SPATA31C1: variants seen among roughly 807,000 people sequenced by gnomAD.
SPATA31C1 encodes the protein SPATA31 subfamily C member 1.
chr9:87,922,631 C>T (rs1828904694), exon 5 of SPATA31C1: 3 of 1,608,910 alleles, frequency 1.9e-6, no homozygotes, highest in Non-Finnish European at 2.5e-6. Context: ...TGCCCCAGGG[C>T]CATCTCCAGA....
chr9:87,917,051 T>C lies in SPATA31C1; in HGVS notation n.190-796T>C, dbSNP rs530577065. 7.1e-5 allele frequency among the ~76,000 whole-genome samples: 9 copies of C among 125,896 alleles called. 1 individual carries two copies. The East Asian group carries it at 1.1e-3, about 16-fold the overall frequency. 82.6% of individuals were successfully genotyped at this position (125,896 alleles called of 152,430 possible). A position where few individuals can be genotyped will look rare whatever the true frequency, so the allele number is the denominator to read the frequency against. On this transcript the variant is annotated intron_variant and non_coding_transcript_variant, in intron 1 of 4. Coordinates refer to ENST00000420021, the Ensembl canonical transcript of SPATA31C1. ...CATGTACCCCGGAACTTAAAATAAA[T>C]ACATAAGTACATAAATAGAATTTTA...
exon 5 of SPATA31C1, chr9:87,922,301 A>C (rs1351948389): frequency 6.2e-7 from 1 of 1,611,948 alleles, no homozygotes; most frequent in Non-Finnish European, 8.5e-7. Flanking sequence ...CCCAATCTTC[A>C]AGGGCTGGAG....
At chr9:87,916,535 C>G (rs1453855441) in intron 1 of SPATA31C1, among the ~76,000 whole-genome samples, 1 of 149,626 alleles carries the variant, frequency 6.7e-6, no homozygotes, top group African/African-American at 2.4e-5. Context: ...TTAAAGTTTT[C>G]AAAAGTCAAC....
exon 5 of SPATA31C1, chr9:87,923,260 C>T: frequency 6.2e-7 from 1 of 1,603,592 alleles, no homozygotes; most frequent in South Asian, 1.1e-5. Flanking sequence ...AGCTATGCAG[C>T]CAGCAGTCAA....
exon 5 of SPATA31C1, chr9:87,923,197 G>C: frequency 6.2e-7 from 1 of 1,603,282 alleles, no homozygotes; most frequent in Non-Finnish European, 8.5e-7. Context: ...CCAGTCTGTG[G>C]GTTTCCCTGC....
exon 5 of SPATA31C1, chr9:87,922,335 C>T (rs764678729): frequency 1.9e-6 from 3 of 1,611,152 alleles, no homozygotes; most frequent in South Asian, 2.2e-5. Context: ...AGTGCCACAA[C>T]CCACAGTCCC....
chr9:87,920,483 C>A (rs1236500744), exon 5 of SPATA31C1: 1 of 1,614,006 alleles, frequency 6.2e-7, no homozygotes, highest in Admixed American at 1.7e-5. Flanking sequence ...CAGTCTCCTC[C>A]CTAAGTGCCT....
At chr9:87,923,112 C>T (rs764962511) in exon 5 of SPATA31C1, 3 of 1,603,330 alleles carry the variant, frequency 1.9e-6, no homozygotes, top group Non-Finnish European at 2.6e-6. Context: ...TGGACAGATA[C>T]CGGAGGAGAA....
Position 87,923,057 on chromosome 9 carries a change from C to T in SPATA31C1, n.3447C>T, listed in dbSNP as rs529885550. 2.1e-5 allele frequency: 34 copies of T among 1,599,878 alleles called. No individual in the cohort carries two copies. In the East Asian group the frequency reaches 3.8e-4, roughly 18 times the overall value. ...AAAAAACAGTAAAAAACAGATCATG[C>T]GTGTACGGCAGCAGTGCTGAAGCTG... On this transcript the variant is annotated non_coding_transcript_exon_variant, in exon 5 of 5. Transcript: ENST00000420021.
At chr9:87,919,656 G>A (rs1326293724) in intron 3 of SPATA31C1, among the ~76,000 whole-genome samples, 1 of 86,726 alleles carries the variant, frequency 1.2e-5, no homozygotes, top group Non-Finnish European at 2.4e-5. Context: ...ATTCCTCTCT[G>A]AGACCACCCC....
At chr9:87,920,625 C>A in exon 5 of SPATA31C1, 1 of 1,613,852 alleles carries the variant, frequency 6.2e-7, no homozygotes, top group Non-Finnish European at 8.5e-7. Flanking sequence ...CACTCCTCCT[C>A]CCCTGCGGGA....
rs530643159 is a variant in SPATA31C1, at chr9:87,922,590, C to T, written n.2980C>T. 965 of 1,609,326 alleles carry T rather than the reference C, an allele frequency of 6.0e-4. 12 individuals are homozygous for T. Among genetic ancestry groups the T allele is most frequent in the Non-Finnish European group, 1.3e-4 (153 of 1,177,934 alleles). On this transcript the variant is annotated non_coding_transcript_exon_variant, in exon 5 of 5. Coordinates refer to ENST00000420021, the Ensembl canonical transcript of SPATA31C1. ...TCCAGATGGGCAAGCATCTGTTGTG[C>T]CCCATGCTTCAGAGAATTTGGCTTC...
At chr9:87,921,722 C>A (rs1180156528) in exon 5 of SPATA31C1, 1 of 1,612,086 alleles carries the variant, frequency 6.2e-7, no homozygotes, top group Admixed American at 1.7e-5. Context: ...TGCGTCGATC[C>A]TGGCTTGCTG....
chr9:87,920,557 C>G, exon 5 of SPATA31C1: 1 of 1,613,812 alleles, frequency 6.2e-7, no homozygotes, highest in Non-Finnish European at 8.5e-7. Context: ...GCACTTTTCC[C>G]TCACCCACCA....
rs757119727 is a variant in SPATA31C1 at position 87,920,600 on chromosome 9, T to C, written n.990T>C. On this transcript the variant is annotated non_coding_transcript_exon_variant, in exon 5 of 5. Transcript: ENST00000420021. ...CTGATCCTCTGGCCTGCTCTCCACC[T>C]CCTCCGAAAGGCTTCACTCCTCCTC... is the stretch of plus-strand genomic sequence containing the variant. 1.4e-5 allele frequency: 22 copies of C among 1,613,530 alleles called. No homozygotes were observed. In the East Asian group the frequency reaches 4.9e-4, roughly 36 times the overall value.
Position 87,920,921 on chromosome 9 carries a change from G to A in SPATA31C1, n.1311G>A, listed in dbSNP as rs558070167. On this transcript the variant is annotated non_coding_transcript_exon_variant, in exon 5 of 5. Coordinates refer to ENST00000420021, the Ensembl canonical transcript of SPATA31C1. ...AGCCCCTGTCCCATCTGGGGCCTGAGTCCCAACCCTTTATTTCATCCACAC... is the reference window on the plus strand; with the variant it reads ...AGCCCCTGTCCCATCTGGGGCCTGAATCCCAACCCTTTATTTCATCCACAC... The A allele has an allele frequency of 3.4e-4, 545 of 1,613,222 alleles. 6 individuals are homozygous for A. In the South Asian group the frequency reaches 5.7e-3, roughly 17 times the overall value.
chr9:87,920,597 A>C (rs397833502), exon 5 of SPATA31C1: 5 of 1,610,692 alleles, frequency 3.1e-6, no homozygotes, highest in South Asian at 1.1e-5. Context: ...CCTGCTCTCC[A>C]CCTCCTCCGA....
intron 2 of SPATA31C1, 23 bp from the exon 2 acceptor site, chr9:87,919,232 C>T (rs775222336): frequency 1.2e-5 from 20 of 1,602,148 alleles, no homozygotes; most frequent in African/African-American, 4.0e-5. Context: ...GGTCCTAGCT[C>T]CTCGCCATTT....
chr9:87,921,562 A>C (rs764515657), exon 5 of SPATA31C1: 6 of 1,611,982 alleles, frequency 3.7e-6, no homozygotes, highest in Non-Finnish European at 5.1e-6. Context: ...ACCTCTGAGG[A>C]GTCAGAAAGG....
Sources: allele counts gnomAD v4.1 joint callset (sites outside exome capture counted in the v4.1 genomes callset), GRCh38; gene constraint gnomAD v4.1.1; transcripts MANE v1.5; gene names NCBI Gene and HGNC (gene_info 2026-07-23, HGNC 2026-07-21).